The following DCAF1 variants were observed in gnomAD, a reference collection of about 807,000 sequenced individuals.
DCAF1 encodes the protein DDB1 and CUL4 associated factor 1, also known as DDB1- and CUL4-associated factor 1.
Under a neutral mutation model 128.0 loss-of-function variants are expected in DCAF1, and 15 were observed. The observed-to-expected ratio is 0.12, with a 90% CI of 0.08 to 0.18. DCAF1 has a LOEUF of 0.18. Ranked by LOEUF, DCAF1 falls within the 10% of genes least tolerant of loss-of-function variation. The pLI is 1.00. For synonymous variants in DCAF1, 610 were observed against 603.0 expected (o/e 1.01, Z -0.17); for missense variants, 988 against 1,649.5 (o/e 0.60, Z 6.95).
chr3:51,492,867 A>G (rs529635492), intron 2 of DCAF1, among the ~76,000 whole-genome samples: 1 of 151,838 alleles, frequency 6.6e-6, no homozygotes, highest in African/African-American at 2.4e-5. Flanking sequence ...GGTGGCAGGC[A>G]CCAGTAGTCC....
chr3:51,418,171 T>C lies in DCAF1; in HGVS notation c.3463A>G (p.Thr1155Ala), dbSNP rs1699069082. ...AGTGCAGACAAAGGCTGGCTCCAAG[T>C]AGCAGATGTCAGCAGCAAGGACCCA... ...RDGSLLLTSA[T>A]WSQPLSALWG... The change falls in exon 17 of 25, where the codon ACT (threonine) becomes GCT (alanine). Residue 1155 changes from threonine to alanine, a missense_variant. Physicochemically the swap from Thr to Ala is moderately conservative, Grantham distance 58. Transcript: ENST00000684031. The C allele has an allele frequency of 1.9e-6, 3 of 1,612,402 alleles. No homozygotes were observed. Among genetic ancestry groups the C allele is most frequent in the East Asian group, 2.2e-5 (1 of 44,862 alleles).
chr3:51,448,719 T>C (rs1345653203), intron 6 of DCAF1, among the ~76,000 whole-genome samples: 3 of 152,138 alleles, frequency 2.0e-5, no homozygotes, highest in Admixed American at 6.6e-5. Context: ...ACTTCTTCAT[T>C]ATGCAAACAA....
At chr3:51,449,473 C>T (rs1252212287) in intron 6 of DCAF1, among the ~76,000 whole-genome samples, 1 of 152,202 alleles carries the variant, frequency 6.6e-6, no homozygotes, top group Non-Finnish European at 1.5e-5. Context: ...TCCCAAAGCA[C>T]TGGGATTACA....
intron 7 of DCAF1, among the ~76,000 whole-genome samples, chr3:51,443,281 C>T (rs141329216): frequency 1.3e-5 from 2 of 152,100 alleles, no homozygotes; most frequent in East Asian, 3.9e-4. Context: ...TGTCATCATC[C>T]TTGACAAGAT....
At chr3:51,479,263 A>C (rs1302296546) in intron 3 of DCAF1, among the ~76,000 whole-genome samples, 1 of 152,044 alleles carries the variant, frequency 6.6e-6, no homozygotes. Context: ...CACTTCTGGG[A>C]GGCCGAGGCA....
At chr3:51,491,041 A>G (rs781888150) in intron 2 of DCAF1, among the ~76,000 whole-genome samples, 115 of 7,406 alleles carry the variant, frequency 0.016, no homozygotes, top group Non-Finnish European at 0.032. Flanking sequence ...ACAATCTTGG[A>G]AAAAAAAAAA....
At chr3:51,464,394 T>C (rs892079368) in intron 5 of DCAF1, among the ~76,000 whole-genome samples, 2 of 152,056 alleles carry the variant, frequency 1.3e-5, no homozygotes, top group African/African-American at 4.8e-5. Flanking sequence ...AGTCCCACCA[T>C]CCCAAGATTC....
intron 6 of DCAF1, among the ~76,000 whole-genome samples, chr3:51,445,867 AATTTG>A (rs1701798881): frequency 6.6e-6 from 1 of 152,020 alleles, no homozygotes; most frequent in South Asian, 2.1e-4. Flanking sequence ...CATTTCATTT[AATTTG>A]AATGTCCTTG....
chr3:51,485,744 A>C (rs1333454318), intron 2 of DCAF1, among the ~76,000 whole-genome samples: 1 of 152,244 alleles, frequency 6.6e-6, no homozygotes, highest in Non-Finnish European at 1.5e-5. Context: ...ATTGCATTGT[A>C]TTATAAAATG....
Position 51,441,374 on chromosome 3 carries a change from A to G in DCAF1, c.1026+11T>C, listed in dbSNP as rs1553638644. On this transcript the variant is annotated intron_variant, in intron 8 of 24. Transcript: ENST00000684031. ...CCTATGTGTGAACAGTACTCTTCCC[A>G]ATAAGCTTACCTCCTGATATTCTCC... 6.2e-7 allele frequency: 1 copy of G among 1,608,650 alleles called. No homozygotes were observed. Among genetic ancestry groups the G allele is most frequent in the Non-Finnish European group, 8.5e-7 (1 of 1,177,174 alleles).
intron 2 of DCAF1, among the ~76,000 whole-genome samples, chr3:51,496,222 C>T (rs1553660878): frequency 6.6e-6 from 1 of 152,116 alleles, no homozygotes; most frequent in South Asian, 2.1e-4. Context: ...GTCAGGAGTT[C>T]GAGACCACCT....
chr3:51,495,770 A>T (rs1231701357), intron 2 of DCAF1, among the ~76,000 whole-genome samples: 3 of 152,014 alleles, frequency 2.0e-5, no homozygotes, highest in Non-Finnish European at 4.4e-5. Flanking sequence ...ACTTACTTCA[A>T]TGTTCGTTTT....
At chr3:51,429,890 G>C (rs1159141401) in intron 11 of DCAF1, 143 bp downstream of exon 11, 2 of 481,056 alleles carry the variant, frequency 4.2e-6, no homozygotes, top group East Asian at 7.0e-5. Flanking sequence ...TGAAGAAAGG[G>C]AAAAAAAAAA....
chr3:51,433,038 A>C (rs1444890178), intron 10 of DCAF1, 68 bp downstream of exon 10: 23 of 398,198 alleles, frequency 5.8e-5, no homozygotes, highest in Middle Eastern at 6.3e-4. Flanking sequence ...TCATTCTGCG[A>C]ATGTGATCTT....
In DCAF1 at chr3:51,484,828, G is replaced by A. The variant is rs554078922; in HGVS notation, c.-8-992C>T. ...CTCCCGAGTAGCTGGAATTACAGGC[G>A]CCCGCCACCATGCCTGGCTAATTTT... On this transcript the variant is annotated intron_variant, in intron 2 of 24. Transcript: ENST00000684031. Among the ~76,000 whole-genome samples the A allele has an allele frequency of 2.2e-3, 286 of 130,044 alleles. 1 individual carries two copies. The highest frequency in any genetic ancestry group is 3.3e-3 in the Non-Finnish European group (202 of 60,930). 85.3% of individuals were successfully genotyped at this position (130,044 alleles called of 152,430 possible). A position where few individuals can be genotyped will look rare whatever the true frequency, so the allele number is the denominator to read the frequency against.
chr3:51,492,760 C>T (rs1707797357), intron 2 of DCAF1, among the ~76,000 whole-genome samples: 1 of 151,966 alleles, frequency 6.6e-6, no homozygotes, highest in Non-Finnish European at 1.5e-5. Context: ...TTTGGGAGGC[C>T]GAGGCAGGCG....
At chr3:51,482,764 CAAAAAAAAAAA>C in intron 3 of DCAF1, among the ~76,000 whole-genome samples, 1 of 29,984 alleles carries the variant, frequency 3.3e-5, no homozygotes. Flanking sequence ...CACTCCATCT[CAAAAAAAAAAA>C]AAAAAAAAAA....
chr3:51,406,807 C>A (rs1216749832), intron 23 of DCAF1, among the ~76,000 whole-genome samples: 1 of 152,206 alleles, frequency 6.6e-6, no homozygotes, highest in Non-Finnish European at 1.5e-5. Context: ...ACCTCACCAC[C>A]ACCTTCACAC....
In DCAF1 at chr3:51,434,472, AG is replaced by A. The variant is rs1337466975; in HGVS notation, c.1129-1209del. Reference sequence around the variant, plus strand: ...CATATTTAGGTTGGTGAAAAACTGCAGTTTTTGCCTTTGAAAGCAATAGCAA... The same window carrying A: ...CATATTTAGGTTGGTGAAAAACTGCATTTTTGCCTTTGAAAGCAATAGCAA... On this transcript the variant is annotated intron_variant, in intron 9 of 24. Coordinates refer to ENST00000684031, the MANE Select transcript of DCAF1 (RefSeq NM_001387579.1). Among the ~76,000 whole-genome samples, 455 of 152,336 alleles carry A rather than the reference AG, an allele frequency of 3.0e-3. 3 individuals are homozygous for A. Among genetic ancestry groups the A allele is most frequent in the South Asian group, 5.6e-3 (27 of 4,826 alleles).
Sources: allele counts gnomAD v4.1 joint callset (sites outside exome capture counted in the v4.1 genomes callset), GRCh38; gene constraint gnomAD v4.1.1; transcripts MANE v1.5; gene names NCBI Gene and HGNC (gene_info 2026-07-23, HGNC 2026-07-21).